Variants in TBC1D22A observed in about 807,000 individuals in gnomAD.
TBC1D22A encodes the protein TBC1 domain family member 22A.
TBC1D22A carries 38 observed loss-of-function variants against 60.2 expected under a neutral mutation model. The ratio of observed to expected loss-of-function variants is 0.63; its 90% confidence interval spans 0.49 to 0.83. The LOEUF (loss-of-function observed/expected upper bound fraction) is 0.83. Ranked by LOEUF, TBC1D22A falls within the 40% of genes least tolerant of loss-of-function variation. The pLI, the probability that TBC1D22A is intolerant of heterozygous loss-of-function variation, is 0.00. For missense variants in TBC1D22A, 628 were observed against 701.0 expected, an observed-to-expected ratio of 0.90 and a Z score of 1.18; for synonymous variants, 302 against 281.7, an observed-to-expected ratio of 1.07 and a Z score of -0.72.
chr22:47,136,831 C>T (rs1569467140), intron 12 of TBC1D22A, among the ~76,000 whole-genome samples: 1 of 152,166 alleles, frequency 6.6e-6, no homozygotes, highest in African/African-American at 2.4e-5. Flanking sequence ...ACCCCTCTTG[C>T]ACCCTGTTGC....
Position 46,977,974 on chromosome 22 carries a change from G to A in TBC1D22A, c.1125+3575G>A, listed in dbSNP as rs9616186. Among the ~76,000 whole-genome samples, 738 of 152,310 alleles carry A rather than the reference G, an allele frequency of 4.8e-3. 5 individuals carry two copies. Among genetic ancestry groups the A allele is most frequent in the African/African-American group, 9.0e-3 (374 of 41,568 alleles). The stretch of plus-strand genomic sequence containing the variant: ...GGACACAGATCCAAACCGTATTAGC[G>A]GTATTGACCAAAGATTGTTTAACAC... On this transcript the variant is annotated intron_variant, in intron 9 of 12. Transcript: ENST00000337137.
At chr22:46,945,515 G>T (rs2072480220) in intron 8 of TBC1D22A, among the ~76,000 whole-genome samples, 1 of 152,194 alleles carries the variant, frequency 6.6e-6, no homozygotes, top group South Asian at 2.1e-4. Context: ...GCTACTGAGG[G>T]TCTGAGCCAG....
chr22:46,914,972 C>G (rs778393316), intron 8 of TBC1D22A: 1 of 198,808 alleles, frequency 5.0e-6, no homozygotes, highest in African/African-American at 2.3e-5. Flanking sequence ...AGCCATGTCT[C>G]GCGGGATGAG....
chr22:46,969,055 C>T (rs1255249074), intron 8 of TBC1D22A, among the ~76,000 whole-genome samples: 1 of 152,104 alleles, frequency 6.6e-6, no homozygotes, highest in Non-Finnish European at 1.5e-5. Context: ...ATGCCAGCAG[C>T]ACCCCCCACC....
At chr22:47,120,383 G>A (rs548498655) in intron 12 of TBC1D22A, among the ~76,000 whole-genome samples, 2 of 152,300 alleles carry the variant, frequency 1.3e-5, no homozygotes, top group South Asian at 2.1e-4. Context: ...AATGTTCAGC[G>A]AAGGCTCCTT....
intron 11 of TBC1D22A, among the ~76,000 whole-genome samples, chr22:47,037,693 T>A (rs2062700808): frequency 6.6e-6 from 1 of 152,176 alleles, no homozygotes; most frequent in African/African-American, 2.4e-5. Flanking sequence ...TGAGAAGATG[T>A]AAAACAGGGA....
chr22:47,039,984 G>C (rs1483067109), intron 11 of TBC1D22A, among the ~76,000 whole-genome samples: 1 of 124,102 alleles, frequency 8.1e-6, no homozygotes, highest in Non-Finnish European at 1.6e-5. Flanking sequence ...TCACTCTGTT[G>C]TCCAGGCTGG....
At position 47,173,661 on chromosome 22, in the gene TBC1D22A, G is replaced by C. The variant is rs374157674; in HGVS notation, c.*35G>C. 1 of 1,610,212 alleles carries C rather than the reference G, an allele frequency of 6.2e-7. No individual in the cohort carries two copies. The highest frequency in any genetic ancestry group is 1.3e-5 in the African/African-American group (1 of 74,964). On this transcript the variant is annotated 3_prime_UTR_variant, in exon 13 of 13. Transcript: ENST00000337137. The stretch of plus-strand genomic sequence containing the variant: ...CACCCGCAGCTGGCCTCACTGTCCC[G>C]GGTGGCGCGCCCCACCTGCCTGGCT...
At chr22:46,896,203 T>C (rs1033676591) in intron 7 of TBC1D22A, among the ~76,000 whole-genome samples, 1 of 152,356 alleles carries the variant, frequency 6.6e-6, no homozygotes, top group Middle Eastern at 3.4e-3. Flanking sequence ...CCCATTTTTC[T>C]TTTGGTTTGT....
intron 8 of TBC1D22A, among the ~76,000 whole-genome samples, chr22:46,965,423 C>T (rs984932173): frequency 5.9e-5 from 9 of 152,222 alleles, no homozygotes; most frequent in South Asian, 4.2e-4. Context: ...CGACGGCCCC[C>T]GTCTCGGTAC....
At chr22:46,894,200 G>C (rs73470862) in intron 6 of TBC1D22A, among the ~76,000 whole-genome samples, 1 of 152,184 alleles carries the variant, frequency 6.6e-6, no homozygotes, top group South Asian at 2.1e-4. Context: ...CAACACTCTT[G>C]TTTGGTTGCT....
intron 11 of TBC1D22A, among the ~76,000 whole-genome samples, chr22:47,082,023 T>A (rs1181928148): frequency 2.0e-5 from 3 of 152,140 alleles, no homozygotes; most frequent in Non-Finnish European, 4.4e-5. Context: ...CCAGGCGTGG[T>A]GACGCATGCC....
intron 1 of TBC1D22A, among the ~76,000 whole-genome samples, chr22:46,781,187 C>T (rs1025172923): frequency 2.8e-5 from 4 of 143,268 alleles, no homozygotes; most frequent in Admixed American, 7.3e-5. Flanking sequence ...TGCTGGAGTG[C>T]AGTTGCTGGT....
At chr22:47,091,818 G>A (rs1265613628) in intron 11 of TBC1D22A, among the ~76,000 whole-genome samples, 1 of 152,166 alleles carries the variant, frequency 6.6e-6, no homozygotes, top group East Asian at 1.9e-4. Flanking sequence ...TCTGTTTTGA[G>A]GAATTTTCAG....
intron 7 of TBC1D22A, among the ~76,000 whole-genome samples, chr22:46,899,901 C>G (rs1476532739): frequency 2.0e-5 from 3 of 152,014 alleles, no homozygotes; most frequent in Admixed American, 6.6e-5. Context: ...TTGTGTGCTC[C>G]CCTAAAGTTT....
chr22:47,072,757 C>T (rs796366673), intron 11 of TBC1D22A, among the ~76,000 whole-genome samples: 24 of 152,376 alleles, frequency 1.6e-4, no homozygotes, highest in African/African-American at 5.0e-4. Flanking sequence ...TGTGAATACC[C>T]GCCAGGCCTG....
chr22:46,857,466 T>A (rs1278339553), intron 4 of TBC1D22A, among the ~76,000 whole-genome samples: 1 of 152,228 alleles, frequency 6.6e-6, no homozygotes, highest in Non-Finnish European at 1.5e-5. Context: ...TAAAACATCC[T>A]TATTCTAGAC....
At chr22:47,122,216 C>T (rs974747561) in intron 12 of TBC1D22A, among the ~76,000 whole-genome samples, 2 of 152,192 alleles carry the variant, frequency 1.3e-5, no homozygotes, top group African/African-American at 2.4e-5. Context: ...GTGGACTCTG[C>T]AGGTCACCCC....
chr22:47,024,859 A>G (rs1206321815), intron 10 of TBC1D22A, among the ~76,000 whole-genome samples: 2 of 152,204 alleles, frequency 1.3e-5, no homozygotes, highest in African/African-American at 4.8e-5. Flanking sequence ...CTGTCTCAAA[A>G]GAAAAAAAAG....
Sources: allele counts gnomAD v4.1 joint callset (sites outside exome capture counted in the v4.1 genomes callset), GRCh38; gene constraint gnomAD v4.1.1; transcripts MANE v1.5; gene names NCBI Gene and HGNC (gene_info 2026-07-23, HGNC 2026-07-21).